STAB2: variants seen among roughly 807,000 people sequenced by gnomAD.
STAB2 encodes stabilin-2.
A neutral mutation model predicts 338.1 loss-of-function variants in STAB2; 288 were observed. The ratio of observed to expected loss-of-function variants is 0.85; its 90% CI spans 0.77 to 0.94. The LOEUF is 0.94. Ranked by LOEUF, STAB2 falls within the 40% of genes least tolerant of loss-of-function variation. The pLI is 0.00. For missense variants in STAB2, 3,141 were observed against 3,210.1 expected (o/e 0.98, Z 0.52); for synonymous variants, 1,202 against 1,193.3 (o/e 1.01, Z -0.15).
At chr12:103,621,964 T>G in intron 4 of STAB2, 78 bp from the exon 5 acceptor site, 2 of 1,369,026 alleles carry the variant, frequency 1.5e-6, no homozygotes, top group Non-Finnish European at 2.1e-6. Flanking sequence ...AAACAAATGC[T>G]GAGTTGGAAA....
chr12:103,715,236 CCTT>C (rs1880209797), intron 42 of STAB2, among the ~76,000 whole-genome samples: 5 of 152,184 alleles, frequency 3.3e-5, no homozygotes. Context: ...CTTGAGCTCT[CCTT>C]CTGCCCTCTG....
chr12:103,613,247 T>G (rs1322612205), intron 3 of STAB2, among the ~76,000 whole-genome samples: 4 of 152,218 alleles, frequency 2.6e-5, no homozygotes, highest in Admixed American at 2.0e-4. Context: ...TGCAGAGGTT[T>G]CTGCTGCCTT....
In STAB2 at chr12:103,685,838, A is replaced by G. The variant is rs1344435884; in HGVS notation, c.2997+754A>G. ...GTAAAATATACATATATAATTTACC[A>G]TCTTTACCATTTCTATGTATATAGT... On this transcript the variant is annotated intron_variant, in intron 27 of 68. Coordinates refer to ENST00000388887, the MANE Select transcript of STAB2 (RefSeq NM_017564.10). Among the ~76,000 whole-genome samples, 5 of 152,308 alleles carry G rather than the reference A, an allele frequency of 3.3e-5. No individual in the cohort carries two copies. In the South Asian group the frequency reaches 8.3e-4, roughly 25 times the overall value.
intron 25 of STAB2, 61 bp downstream of exon 25, chr12:103,677,672 C>T (rs972088144): frequency 1.3e-6 from 2 of 1,563,120 alleles, no homozygotes; most frequent in East Asian, 2.3e-5. Context: ...TTTGCTTTCC[C>T]CTCAGGACAC....
At chr12:103,672,000 A>G (rs1404435487) in intron 22 of STAB2, among the ~76,000 whole-genome samples, 1 of 152,190 alleles carries the variant, frequency 6.6e-6, no homozygotes, top group African/African-American at 2.4e-5. Flanking sequence ...TTCTTCACCT[A>G]TAAAATGAAG....
Position 103,725,081 on chromosome 12 carries a change from G to C in STAB2, c.4790G>C (p.Gly1597Ala). 6.2e-7 allele frequency: 1 copy of C among 1,612,946 alleles called. No individual in the cohort carries two copies. Among genetic ancestry groups the C allele is most frequent in the Non-Finnish European group, 8.5e-7 (1 of 1,179,024 alleles). ...ATTGGAGATGGATTTACCTGCCGCG[G>C]CAGCATTTATCAGGTAACGCGAGAC... ...NYIGDGFTCR[G>A]SIYQELPKNP... The change falls in exon 45 of 69, where the codon GGC becomes GCC. Residue 1597 changes from glycine (G) to alanine (A), a missense_variant. Gly to Ala is a moderately conservative substitution (Grantham distance 60). Transcript: ENST00000388887.
chr12:103,719,397 A>T (rs1423901395), intron 44 of STAB2, among the ~76,000 whole-genome samples: 2 of 152,252 alleles, frequency 1.3e-5, no homozygotes, highest in Non-Finnish European at 1.5e-5. Flanking sequence ...CTGCTATAAC[A>T]AACTGCCACA....
chr12:103,708,402 G>C (rs1173286621), intron 38 of STAB2, 39 bp from the exon 39 acceptor site: 2 of 1,596,374 alleles, frequency 1.3e-6, no homozygotes, highest in African/African-American at 2.7e-5. Flanking sequence ...TTGAACATGG[G>C]TTAGAATCTG....
At position 103,677,627 on chromosome 12, in the gene STAB2, T is replaced by C; in HGVS notation, c.2805+16T>C. On this transcript the variant is annotated intron_variant, in intron 25 of 68. Coordinates refer to ENST00000388887, the MANE Select transcript of STAB2 (RefSeq NM_017564.10). Reference sequence around the variant, plus strand: ...TCCCGGGCAGGTAGGTTGGATGTCATGAGAGCAAAGAGAAAGCAGGAATCC... The same window carrying C: ...TCCCGGGCAGGTAGGTTGGATGTCACGAGAGCAAAGAGAAAGCAGGAATCC... 2 of 1,602,432 alleles carry C rather than the reference T, an allele frequency of 1.2e-6. No individual in the cohort carries two copies. Among genetic ancestry groups the C allele is most frequent in the Non-Finnish European group, 1.7e-6 (2 of 1,170,278 alleles).
Position 103,655,236 on chromosome 12 carries a change from A to G in STAB2, c.1552-15A>G, listed in dbSNP as rs1352216866. ...ATTTTATTTCCTGATTTTTAAGCAAAATGTCTCTTTTTAGCAAACCATAAT... is the reference window on the plus strand; with the variant it reads ...ATTTTATTTCCTGATTTTTAAGCAAGATGTCTCTTTTTAGCAAACCATAAT... On this transcript the variant is annotated splice_polypyrimidine_tract_variant and intron_variant, in intron 13 of 68. Coordinates refer to ENST00000388887, the MANE Select transcript of STAB2 (RefSeq NM_017564.10). 6.2e-7 allele frequency: 1 copy of G among 1,601,448 alleles called. No homozygotes were observed. The highest frequency in any genetic ancestry group is 8.5e-7 in the Non-Finnish European group (1 of 1,176,184).
intron 28 of STAB2, among the ~76,000 whole-genome samples, 156 bp downstream of exon 28, chr12:103,688,371 A>G (rs1877621680): frequency 6.6e-6 from 1 of 152,192 alleles, no homozygotes. Context: ...AACCACATGG[A>G]ACACATTTTT....
At chr12:103,625,018 T>C (rs1001888961) in intron 5 of STAB2, among the ~76,000 whole-genome samples, 1 of 150,884 alleles carries the variant, frequency 6.6e-6, no homozygotes, top group Non-Finnish European at 1.5e-5. Context: ...GGACAGCAAC[T>C]AAAATGTAAT....
chr12:103,739,361 T>G, intron 53 of STAB2, 51 bp from the exon 54 acceptor site: 1 of 1,494,072 alleles, frequency 6.7e-7, no homozygotes, highest in Non-Finnish European at 9.1e-7. Context: ...AACATTTCCT[T>G]GTGTTTTCTG....
rs139071121 is a variant in STAB2, at chr12:103,763,949, C to T, written c.7605+341C>T. 6.5e-5 allele frequency: 12 copies of T among 184,888 alleles called. 1 individual carries two copies. In the East Asian group the frequency reaches 1.5e-3, roughly 23 times the overall value. The allele number at this position is 184,888 out of a possible 1,614,324, so 11.5% of individuals were successfully genotyped here. ...GCAATCATTTATGAGGTAGCAGGTG[C>T]AAAACAAGATGGAAAAAGGATTTTT... On this transcript the variant is annotated intron_variant, in intron 68 of 68. Transcript: ENST00000388887.
At chr12:103,671,268 A>G (rs1178884389) in intron 22 of STAB2, among the ~76,000 whole-genome samples, 1 of 152,178 alleles carries the variant, frequency 6.6e-6, no homozygotes, top group Non-Finnish European at 1.5e-5. Context: ...CCTGACCAAC[A>G]TAGCAAAACC....
At chr12:103,667,540 G>T (rs901195202) in intron 19 of STAB2, among the ~76,000 whole-genome samples, 4 of 152,148 alleles carry the variant, frequency 2.6e-5, no homozygotes, top group African/African-American at 9.7e-5. Flanking sequence ...GGAAAGAGAA[G>T]GAAGAGGGAA....
chr12:103,725,170 T>C (rs1881087787), intron 45 of STAB2, 76 bp downstream of exon 45: 1 of 1,557,670 alleles, frequency 6.4e-7, no homozygotes, highest in Non-Finnish European at 8.7e-7. Context: ...CTAAGGAGTA[T>C]TTAAGAGCTT....
chr12:103,762,522 A>G (rs1884613900), intron 67 of STAB2, 120 bp downstream of exon 67: 2 of 1,507,088 alleles, frequency 1.3e-6, no homozygotes, highest in Non-Finnish European at 1.8e-6. Context: ...TGTGTCACAC[A>G]GTAGCAGGGG....
chr12:103,618,380 C>T (rs753397690), intron 3 of STAB2, among the ~76,000 whole-genome samples: 16 of 152,162 alleles, frequency 1.1e-4, no homozygotes, highest in South Asian at 2.1e-4. Flanking sequence ...GCCAGAACCT[C>T]GATATTGGAC....
Sources: gnomAD v4.1 joint callset for allele counts (sites outside exome capture counted in the v4.1 genomes callset) on GRCh38, gnomAD v4.1.1 for gene constraint, MANE v1.5 for transcripts, NCBI Gene and HGNC (gene_info 2026-07-23, HGNC 2026-07-21) for gene names.